The following LHPP variants were observed in gnomAD, a reference collection of about 807,000 sequenced individuals.
LHPP encodes phospholysine phosphohistidine inorganic pyrophosphate phosphatase.
A neutral mutation model predicts 30.3 loss-of-function variants in LHPP; 24 were observed. That is an observed-to-expected ratio of 0.79 (90% CI 0.57 to 1.11). LHPP has a LOEUF of 1.11. Ranked by LOEUF, LHPP falls within the 50% of genes most tolerant of loss-of-function variation. The pLI, the probability that LHPP is intolerant of heterozygous loss-of-function variation, is 0.00. For synonymous variants in LHPP, 150 were observed against 157.1 expected (o/e 0.95, Z 0.34); for missense variants, 356 against 367.2 (o/e 0.97, Z 0.25).
intron 6 of LHPP, among the ~76,000 whole-genome samples, chr10:124,574,934 T>A (rs1948638890): frequency 6.6e-6 from 1 of 152,144 alleles, no homozygotes; most frequent in Admixed American, 6.5e-5. Flanking sequence ...CCCAGCCAGA[T>A]GATGCTTCTC....
intron 1 of LHPP, among the ~76,000 whole-genome samples, chr10:124,471,947 G>A (rs1041110062): frequency 2.6e-5 from 4 of 151,228 alleles, no homozygotes; most frequent in Admixed American, 6.6e-5. Context: ...AATGGAATAT[G>A]TTTTCTGTGT....
chr10:124,575,957 T>C (rs1948654268), intron 6 of LHPP, among the ~76,000 whole-genome samples: 1 of 152,174 alleles, frequency 6.6e-6, no homozygotes, highest in Non-Finnish European at 1.5e-5. Flanking sequence ...CTGGGCAGCC[T>C]GGTGGCCCCC....
Position 124,462,030 on chromosome 10 carries a change from G to A in LHPP, c.125+43G>A, listed in dbSNP as rs1952413022. The A allele has an allele frequency of 8.4e-6, 10 of 1,194,096 alleles. No individual in the cohort carries two copies. The Admixed American group carries it at 2.7e-4, about 32-fold the overall frequency. 74.0% of individuals were successfully genotyped at this position (1,194,096 alleles called of 1,614,324 possible). On this transcript the variant is annotated intron_variant, in intron 1 of 6. Coordinates refer to ENST00000368842, the MANE Select transcript of LHPP (RefSeq NM_022126.4). Reference sequence around the variant, plus strand: ...CGCCGCTGGGGCCGCCGAGCTCTAAGCTCAGCCCGCTCCCTGGCTGCCGGC... The same window carrying A: ...CGCCGCTGGGGCCGCCGAGCTCTAAACTCAGCCCGCTCCCTGGCTGCCGGC...
intron 1 of LHPP, among the ~76,000 whole-genome samples, chr10:124,476,228 C>G (rs1049075461): frequency 6.6e-6 from 1 of 152,198 alleles, no homozygotes; most frequent in Non-Finnish European, 1.5e-5. Flanking sequence ...TCCTGCGTCA[C>G]TGTGTCTCTT....
Position 124,472,534 on chromosome 10 carries a change from G to C in LHPP, c.125+10547G>C, listed in dbSNP as rs546610425. ...AGTGCTGTATATACCAAGTGAAAAA[G>C]CTGTAGAATAATGTGTATAAACTTA... On this transcript the variant is annotated intron_variant, in intron 1 of 6. Coordinates refer to ENST00000368842, the MANE Select transcript of LHPP (RefSeq NM_022126.4). Among the ~76,000 whole-genome samples, 20 of 152,066 alleles carry C rather than the reference G, an allele frequency of 1.3e-4. No homozygotes were observed. The East Asian group carries it at 3.3e-3, about 25-fold the overall frequency.
chr10:124,607,508 G>A (rs538249738), intron 6 of LHPP, among the ~76,000 whole-genome samples: 3 of 152,316 alleles, frequency 2.0e-5, no homozygotes, highest in African/African-American at 4.8e-5. Context: ...AATTAGCCAC[G>A]GACGCCATTC....
At chr10:124,468,920 A>G (rs1159848614) in intron 1 of LHPP, among the ~76,000 whole-genome samples, 4 of 152,184 alleles carry the variant, frequency 2.6e-5, no homozygotes, top group Non-Finnish European at 5.9e-5. Flanking sequence ...CCCTCCAGGA[A>G]AGTGTGCCTG....
rs549645529 is a variant in LHPP, at chr10:124,554,711, G to A, written c.716+37440G>A. Among the ~76,000 whole-genome samples, 4 of 152,348 alleles carry A rather than the reference G, an allele frequency of 2.6e-5. No individual in the cohort carries two copies. The East Asian group carries it at 7.7e-4, about 29-fold the overall frequency. ...GGCTGTCTGCACCTCGCTTACTCCT[G>A]GGTGGGCTGTTAGCTTGGCGGGTCC... On this transcript the variant is annotated intron_variant, in intron 6 of 6. Coordinates refer to ENST00000368842, the MANE Select transcript of LHPP (RefSeq NM_022126.4).
At chr10:124,515,754 A>G (rs1589819548) in intron 5 of LHPP, among the ~76,000 whole-genome samples, 1 of 152,220 alleles carries the variant, frequency 6.6e-6, no homozygotes, top group South Asian at 2.1e-4. Context: ...GATCGCACTC[A>G]ATGCCCTGTG....
At chr10:124,468,522 G>T (rs951800071) in intron 1 of LHPP, among the ~76,000 whole-genome samples, 1 of 152,096 alleles carries the variant, frequency 6.6e-6, no homozygotes, top group Non-Finnish European at 1.5e-5. Context: ...TCAACCCCAT[G>T]GGCTTCCCAT....
At chr10:124,531,911 A>T (rs1358614149) in intron 6 of LHPP, among the ~76,000 whole-genome samples, 1 of 151,950 alleles carries the variant, frequency 6.6e-6, no homozygotes, top group Non-Finnish European at 1.5e-5. Flanking sequence ...TCGCCAAATA[A>T]CTCCATCATT....
At chr10:124,536,945 C>A (rs571588759) in intron 6 of LHPP, among the ~76,000 whole-genome samples, 8 of 152,084 alleles carry the variant, frequency 5.3e-5, no homozygotes, top group African/African-American at 1.9e-4. Flanking sequence ...CCAGGCTCCC[C>A]GACCTCTCCA....
In LHPP at chr10:124,541,309, G is replaced by A. The variant is rs999755875; in HGVS notation, c.716+24038G>A. Among the ~76,000 whole-genome samples the A allele has an allele frequency of 6.6e-6, 1 of 152,238 alleles. No individual in the cohort carries two copies. Among genetic ancestry groups the A allele is most frequent in the Admixed American group, 6.5e-5 (1 of 15,286 alleles). ...TGGGCTGGAGCCAAACTTGATCAGAGGGAGGCTGACTTTATCGAGGGCTGC... is the reference window on the plus strand; with the variant it reads ...TGGGCTGGAGCCAAACTTGATCAGAAGGAGGCTGACTTTATCGAGGGCTGC... On this transcript the variant is annotated intron_variant, in intron 6 of 6. Coordinates refer to ENST00000368842, the MANE Select transcript of LHPP (RefSeq NM_022126.4). The surrounding 1 kb of genome is among the most constrained non-coding windows in gnomAD (Gnocchi z 4.2).
intron 6 of LHPP, among the ~76,000 whole-genome samples, chr10:124,518,543 A>G (rs1954523347): frequency 6.6e-6 from 1 of 152,226 alleles, no homozygotes; most frequent in African/African-American, 2.4e-5. Context: ...CATGCGTCTC[A>G]GGGCACACCT....
intron 6 of LHPP, among the ~76,000 whole-genome samples, chr10:124,612,003 G>A (rs867982180): frequency 7.2e-5 from 11 of 152,196 alleles, no homozygotes; most frequent in Admixed American, 3.9e-4. Flanking sequence ...AAGCTCCAGC[G>A]GCACCTCTGT....
chr10:124,543,240 A>C (rs1955244884), intron 6 of LHPP, among the ~76,000 whole-genome samples: 2 of 152,212 alleles, frequency 1.3e-5, no homozygotes, highest in South Asian at 4.1e-4. Context: ...TGGCCCCCAC[A>C]GGGGTTGGCA....
At chr10:124,514,418 A>G (rs553429778) in intron 5 of LHPP, among the ~76,000 whole-genome samples, 10 of 152,196 alleles carry the variant, frequency 6.6e-5, no homozygotes, top group Non-Finnish European at 1.0e-4. Flanking sequence ...TGTCTGAAAT[A>G]TCTTTATTTC....
chr10:124,535,529 G>A (rs563732292), intron 6 of LHPP, among the ~76,000 whole-genome samples: 3 of 152,256 alleles, frequency 2.0e-5, no homozygotes, highest in African/African-American at 4.8e-5. Context: ...CCAAGTAGCC[G>A]GGACTATAGG....
At chr10:124,509,495 A>G (rs754117162) in intron 5 of LHPP, among the ~76,000 whole-genome samples, 2 of 151,472 alleles carry the variant, frequency 1.3e-5, no homozygotes, top group Non-Finnish European at 2.9e-5. Context: ...GTGTCCGTTC[A>G]CCTTCCTGAC....
Sources: allele counts gnomAD v4.1 joint callset (sites outside exome capture counted in the v4.1 genomes callset), GRCh38; gene constraint gnomAD v4.1.1; non-coding constraint Gnocchi (gnomAD v3.1); transcripts MANE v1.5; gene names NCBI Gene and HGNC (gene_info 2026-07-23, HGNC 2026-07-21).